Variants in FAM149A observed in about 807,000 individuals in gnomAD.
FAM149A encodes the protein family with sequence similarity 149 member A, also known as protein FAM149A.
A neutral mutation model predicts 78.2 loss-of-function variants in FAM149A; 71 were observed. The ratio of observed to expected loss-of-function variants is 0.91; its 90% CI spans 0.75 to 1.11. The LOEUF (loss-of-function observed/expected upper bound fraction) is 1.11. FAM149A is among the 50% of genes least tolerant of loss of function. The probability of loss-of-function intolerance (pLI) is 0.00; values close to 1 mark genes in which losing one functional copy is unlikely to be tolerated. For synonymous variants in FAM149A, 446 were observed against 410.5 expected (o/e 1.09, Z -1.04); for missense variants, 1,036 against 971.0 (o/e 1.07, Z -0.89).
chr4:186,158,265 C>A, intron 8 of FAM149A: 1 of 1,234,102 alleles, frequency 8.1e-7, no homozygotes, highest in South Asian at 1.4e-5. Context: ...CTGCTGGTCC[C>A]AGGCGACCAC....
At chr4:186,159,291 A>G (rs1349758000) in intron 8 of FAM149A, among the ~76,000 whole-genome samples, 1 of 152,106 alleles carries the variant, frequency 6.6e-6, no homozygotes, top group Non-Finnish European at 1.5e-5. Context: ...AGAATCAAAG[A>G]GAGAGTGATT....
intron 8 of FAM149A, among the ~76,000 whole-genome samples, chr4:186,161,270 G>T (rs552000590): frequency 1.3e-5 from 2 of 152,132 alleles, no homozygotes; most frequent in Non-Finnish European, 2.9e-5. Flanking sequence ...AGAAAGGAAG[G>T]GAGGCTCTTC....
intron 1 of FAM149A, among the ~76,000 whole-genome samples, chr4:186,111,239 GTTGT>G (rs1200495382): frequency 9.0e-4 from 137 of 151,802 alleles, no homozygotes; most frequent in South Asian, 2.1e-3. Context: ...TTTTGATGGG[GTTGT>G]TTGTTTTTTT....
chr4:186,122,673 T>C, intron 1 of FAM149A: 1 of 168,258 alleles, frequency 5.9e-6, no homozygotes, highest in South Asian at 1.9e-4. Flanking sequence ...AAAAATGTTA[T>C]AGTAAGAAGT....
intron 1 of FAM149A, among the ~76,000 whole-genome samples, chr4:186,106,143 A>G (rs73873720): frequency 6.6e-6 from 1 of 152,154 alleles, no homozygotes; most frequent in Non-Finnish European, 1.5e-5. Context: ...GTTAATTTAC[A>G]TATGCATGAC....
In FAM149A at chr4:186,154,663, G is replaced by T. The variant is rs761859312; in HGVS notation, c.1229+25G>T. Reference sequence around the variant, plus strand: ...AGTAAATAGAATCTTATTTGACATTGACCTCATAAAATAATATTAATTTAT... The same window carrying T: ...AGTAAATAGAATCTTATTTGACATTTACCTCATAAAATAATATTAATTTAT... On this transcript the variant is annotated intron_variant, in intron 6 of 13. Transcript: ENST00000389354. 2.5e-6 allele frequency: 4 copies of T among 1,591,828 alleles called. No homozygotes were observed. In the South Asian group the frequency reaches 4.5e-5, roughly 18 times the overall value.
intron 1 of FAM149A, chr4:186,125,898 C>G: frequency 1.0e-6 from 1 of 985,220 alleles, no homozygotes. Context: ...AGTGTGGCAC[C>G]CTCTCTGTGT....
At chr4:186,167,301 A>G in intron 13 of FAM149A, 39 bp downstream of exon 13, 1 of 1,539,228 alleles carries the variant, frequency 6.5e-7, no homozygotes, top group East Asian at 2.2e-5. Flanking sequence ...TGATGTAGTA[A>G]GTGAGATTTC....
intron 1 of FAM149A, among the ~76,000 whole-genome samples, chr4:186,133,499 A>AT (rs1326204499): frequency 1.3e-5 from 2 of 152,140 alleles, no homozygotes; most frequent in Non-Finnish European, 2.9e-5. Flanking sequence ...TAGCGTAAAG[A>AT]TTTTAAGGTT....
chr4:186,162,728 G>A (rs1448626104), intron 8 of FAM149A, 117 bp from the exon 9 acceptor site: 3 of 624,312 alleles, frequency 4.8e-6, no homozygotes, highest in African/African-American at 1.9e-5. Flanking sequence ...TTTTCCTCCA[G>A]TTAGCTGGTG....
intron 5 of FAM149A, 104 bp from the exon 6 acceptor site, chr4:186,154,364 G>A: frequency 1.1e-6 from 1 of 927,408 alleles, no homozygotes; most frequent in Non-Finnish European, 1.5e-6. Context: ...GGGAGGGGGG[G>A]ATTCTGTACT....
chr4:186,162,696 A>G (rs973421066), intron 8 of FAM149A, 149 bp from the exon 9 acceptor site: 9 of 599,568 alleles, frequency 1.5e-5, no homozygotes, highest in African/African-American at 9.3e-5. Context: ...ACATCTTTAT[A>G]AAATATATCC....
chr4:186,154,672 AAAT>A (rs532033773), intron 6 of FAM149A, 34 bp downstream of exon 6: 26 of 1,574,152 alleles, frequency 1.7e-5, no homozygotes, highest in Middle Eastern at 3.4e-4. Context: ...TGACCTCATA[AAAT>A]AATATTAATT....
At chr4:186,160,347 CCACA>C (rs1458653754) in intron 8 of FAM149A, among the ~76,000 whole-genome samples, 3 of 143,452 alleles carry the variant, frequency 2.1e-5, no homozygotes, top group African/African-American at 7.8e-5. Context: ...CACAAACACA[CCACA>C]CACACAGAAA....
chr4:186,154,677 A>T (rs1184288747), intron 6 of FAM149A, 39 bp downstream of exon 6: 1 of 1,564,974 alleles, frequency 6.4e-7, no homozygotes, highest in Admixed American at 1.8e-5. Context: ...TCATAAAATA[A>T]TATTAATTTA....
intron 1 of FAM149A, among the ~76,000 whole-genome samples, chr4:186,129,079 A>G (rs1343405615): frequency 6.7e-6 from 1 of 149,530 alleles, no homozygotes; most frequent in East Asian, 2.0e-4. Flanking sequence ...CTTTGTGTCC[A>G]TGTATGTGTA....
chr4:186,124,598 C>CT (rs2099317510), intron 1 of FAM149A, among the ~76,000 whole-genome samples: 1 of 152,106 alleles, frequency 6.6e-6, no homozygotes, highest in Non-Finnish European at 1.5e-5. Flanking sequence ...TGACCTCATC[C>CT]TTTTTTATGG....
chr4:186,117,314 C>A (rs1332682158), intron 1 of FAM149A, among the ~76,000 whole-genome samples: 2 of 152,100 alleles, frequency 1.3e-5, no homozygotes, highest in Non-Finnish European at 2.9e-5. Flanking sequence ...ATATCTATTC[C>A]ATCTAAGATC....
intron 7 of FAM149A, 66 bp downstream of exon 7, chr4:186,156,256 G>T: frequency 7.2e-7 from 1 of 1,395,112 alleles, no homozygotes; most frequent in Non-Finnish European, 9.9e-7. Flanking sequence ...CTGGGCTCCT[G>T]CTCCCCAGCT....
Sources: gnomAD v4.1 joint callset for allele counts (sites outside exome capture counted in the v4.1 genomes callset) on GRCh38, gnomAD v4.1.1 for gene constraint, MANE v1.5 for transcripts, NCBI Gene and HGNC (gene_info 2026-07-23, HGNC 2026-07-21) for gene names.